Variants in CLIC4 observed in about 807,000 individuals in gnomAD.
CLIC4 encodes the protein chloride intracellular channel protein 4.
Under a neutral mutation model 24.6 loss-of-function variants are expected in CLIC4, and 13 were observed. That is an observed-to-expected ratio of 0.53 (90% CI 0.34 to 0.84). The LOEUF (loss-of-function observed/expected upper bound fraction) is 0.84. Ranked by LOEUF, CLIC4 falls within the 40% of genes least tolerant of loss-of-function variation. The pLI is 0.01. For missense variants in CLIC4, 227 were observed against 301.7 expected (o/e 0.75, Z 1.83); for synonymous variants, 104 against 111.3 (o/e 0.93, Z 0.41).
intron 1 of CLIC4, among the ~76,000 whole-genome samples, chr1:24,748,716 C>T (rs1470890104): frequency 1.3e-5 from 2 of 151,798 alleles, no homozygotes; most frequent in Non-Finnish European, 1.5e-5. Context: ...CCAGGCTGGT[C>T]TCAAACTCCT....
chr1:24,777,390 A>G (rs1271136259), intron 1 of CLIC4, among the ~76,000 whole-genome samples: 1 of 152,144 alleles, frequency 6.6e-6, no homozygotes, highest in African/African-American at 2.4e-5. Context: ...CTAAAAATAC[A>G]AGAATTAGTC....
intron 1 of CLIC4, among the ~76,000 whole-genome samples, chr1:24,781,927 G>T (rs1243974441): frequency 6.6e-6 from 1 of 152,216 alleles, no homozygotes; most frequent in Non-Finnish European, 1.5e-5. Flanking sequence ...TGGGATTACA[G>T]GCGTGAGCCA....
At chr1:24,746,967 G>A (rs1468976861) in intron 1 of CLIC4, among the ~76,000 whole-genome samples, 1 of 152,010 alleles carries the variant, frequency 6.6e-6, no homozygotes, top group Non-Finnish European at 1.5e-5. Context: ...CAGCCTGGGC[G>A]ACAGAGCAAG....
At chr1:24,820,962 T>G (rs181008358) in intron 3 of CLIC4, among the ~76,000 whole-genome samples, 1 of 152,270 alleles carries the variant, frequency 6.6e-6, no homozygotes, top group Non-Finnish European at 1.5e-5. Flanking sequence ...GGCGGGTGGA[T>G]GACTTGAGCT....
chr1:24,843,546 ATTC>A lies in CLIC4; in HGVS notation c.*2611_*2613del, dbSNP rs762341004. ...GTATTCAGCAGTTGGAAAGCTCTCT[ATTC>A]TAGTTGATAAAACTTCCCTTTTTTG... On this transcript the variant is annotated 3_prime_UTR_variant, in exon 6 of 6. Transcript: ENST00000374379. 2 of 152,204 alleles carry A rather than the reference ATTC, an allele frequency of 1.3e-5. No individual in the cohort carries two copies. Among genetic ancestry groups the A allele is most frequent in the Non-Finnish European group, 2.9e-5 (2 of 68,014 alleles). The allele number at this position is 152,204 out of a possible 1,614,324, so 9.4% of individuals were successfully genotyped here.
intron 3 of CLIC4, 68 bp downstream of exon 3, chr1:24,814,287 G>A: frequency 6.6e-7 from 1 of 1,513,266 alleles, no homozygotes; most frequent in Admixed American, 1.9e-5. Context: ...TTTGTCAGTA[G>A]AGATCTTTCT....
chr1:24,807,853 T>C (rs1639569112), intron 2 of CLIC4, among the ~76,000 whole-genome samples: 1 of 152,246 alleles, frequency 6.6e-6, no homozygotes, highest in Admixed American at 6.5e-5. Flanking sequence ...AATTGACTGT[T>C]CATTATAAAA....
At chr1:24,796,572 A>G (rs1158755364) in intron 1 of CLIC4, among the ~76,000 whole-genome samples, 1 of 152,210 alleles carries the variant, frequency 6.6e-6, no homozygotes, top group East Asian at 1.9e-4. Flanking sequence ...ACTTGCCTAC[A>G]GTATTCAGTA....
intron 1 of CLIC4, among the ~76,000 whole-genome samples, chr1:24,797,439 T>C (rs954420588): frequency 6.6e-6 from 1 of 150,600 alleles, no homozygotes; most frequent in Non-Finnish European, 1.5e-5. Flanking sequence ...GCCGGGATGG[T>C]GGTACGTGCC....
In CLIC4 at chr1:24,815,477, G is replaced by A. The variant is rs561884199; in HGVS notation, c.308+1258G>A. 3.9e-5 allele frequency among the ~76,000 whole-genome samples: 6 copies of A among 152,306 alleles called. No homozygotes were observed. In the South Asian group the frequency reaches 1.2e-3, roughly 32 times the overall value. On this transcript the variant is annotated intron_variant, in intron 3 of 5. Transcript: ENST00000374379. ...AGATCGTGCCACTGCACTCCAGCCT[G>A]GGTGACAAAAGCAAAACTCCGTCTC...
rs2124070791 is a variant in CLIC4 at position 24,746,662 on chromosome 1, T to G, written c.72+1037T>G. Reference sequence around the variant, plus strand: ...TGGTCATCTAGAACTATTGGGTTCTTTTTTTTCCCCGAGTTTTTACTTTAA... The same window carrying G: ...TGGTCATCTAGAACTATTGGGTTCTGTTTTTTCCCCGAGTTTTTACTTTAA... On this transcript the variant is annotated intron_variant, in intron 1 of 5. Transcript: ENST00000374379. Among the ~76,000 whole-genome samples the G allele has an allele frequency of 2.0e-5, 3 of 152,250 alleles. No homozygotes were observed. The South Asian group carries it at 6.2e-4, about 32-fold the overall frequency.
At chr1:24,751,018 T>G (rs183732619) in intron 1 of CLIC4, among the ~76,000 whole-genome samples, 84 of 152,220 alleles carry the variant, frequency 5.5e-4, no homozygotes, top group African/African-American at 1.7e-3. Flanking sequence ...CAGAGAATTC[T>G]GTTGTTGAGC....
chr1:24,749,570 T>C (rs1004609254), intron 1 of CLIC4, among the ~76,000 whole-genome samples: 1 of 152,246 alleles, frequency 6.6e-6, no homozygotes, highest in Non-Finnish European at 1.5e-5. Context: ...ATTAACTCCC[T>C]GTCATCTATA....
intron 1 of CLIC4, chr1:24,777,843 T>C (rs1466954561): frequency 6.6e-6 from 1 of 152,332 alleles, no homozygotes; most frequent in Non-Finnish European, 1.5e-5. Context: ...AATAAAAAAA[T>C]TTAATCACAC....
chr1:24,779,786 C>A (rs1217090502), intron 1 of CLIC4, among the ~76,000 whole-genome samples: 6 of 152,120 alleles, frequency 3.9e-5, no homozygotes, highest in Admixed American at 3.9e-4. Context: ...ATTATGCTAC[C>A]CCAATTCAAT....
chr1:24,756,950 C>T (rs1638860281), intron 1 of CLIC4, among the ~76,000 whole-genome samples: 1 of 151,378 alleles, frequency 6.6e-6, no homozygotes, highest in Admixed American at 6.6e-5. Flanking sequence ...GGCTGGAGTG[C>T]AATGGCACGA....
intron 1 of CLIC4, among the ~76,000 whole-genome samples, chr1:24,775,924 A>G (rs1479883527): frequency 3.3e-5 from 5 of 151,844 alleles, no homozygotes; most frequent in Non-Finnish European, 5.9e-5. Context: ...ATGATAAATG[A>G]TAATTTATAT....
Position 24,797,740 on chromosome 1 carries a change from A to G in CLIC4, c.73-2A>G. The G allele has an allele frequency of 6.3e-7, 1 of 1,596,618 alleles. No individual in the cohort carries two copies. The highest frequency in any genetic ancestry group is 8.5e-7 in the Non-Finnish European group (1 of 1,172,708). On this transcript the variant is annotated splice_acceptor_variant, in intron 1 of 5. Transcript: ENST00000374379. LOFTEE classifies it high-confidence loss of function. ...TTTTTAATGTTTAATTCTGTTTTCC[A>G]GGCTGGCAGTGATGGTGAAAGCATA...
At chr1:24,778,668 A>C (rs1287418182) in intron 1 of CLIC4, among the ~76,000 whole-genome samples, 1 of 152,200 alleles carries the variant, frequency 6.6e-6, no homozygotes, top group Non-Finnish European at 1.5e-5. Flanking sequence ...AATATTTTAA[A>C]TTATATGATT....
Sources: allele counts gnomAD v4.1 joint callset (sites outside exome capture counted in the v4.1 genomes callset), GRCh38; gene constraint gnomAD v4.1.1; transcripts MANE v1.5; gene names NCBI Gene and HGNC (gene_info 2026-07-23, HGNC 2026-07-21).